Variants in SHANK2 observed in about 807,000 individuals in gnomAD.
SHANK2 encodes SH3 and multiple ankyrin repeat domains protein 2.
A neutral mutation model predicts 133.7 loss-of-function variants in SHANK2; 43 were observed. That is an observed-to-expected ratio of 0.32 (90% CI 0.25 to 0.41). The LOEUF is 0.41. Ranked by LOEUF, SHANK2 falls within the 10% of genes least tolerant of loss-of-function variation. The probability of loss-of-function intolerance (pLI) is 1.00; values close to 1 mark genes in which losing one functional copy is unlikely to be tolerated. For missense variants in SHANK2, 1,994 were observed against 2,235.8 expected (o/e 0.89, Z 2.18); for synonymous variants, 1,017 against 952.8 (o/e 1.07, Z -1.24).
intron 11 of SHANK2, among the ~76,000 whole-genome samples, chr11:70,857,887 A>G (rs1432941316): frequency 2.0e-5 from 3 of 152,182 alleles, no homozygotes; most frequent in Non-Finnish European, 4.4e-5. Context: ...TCCTCTCAAG[A>G]TGCTGAGACC....
rs1555055508 is a variant in SHANK2, at chr11:70,820,370, T to C, written c.1487A>G (p.His496Arg). 2.2e-5 allele frequency: 14 copies of C among 637,066 alleles called. No individual in the cohort carries two copies. The East Asian group carries it at 4.0e-4, about 18-fold the overall frequency. The allele number at this position is 637,066 out of a possible 1,614,324, so 39.5% of individuals were successfully genotyped here. A position where few individuals can be genotyped will look rare whatever the true frequency, so the allele number is the denominator to read the frequency against. Reference protein sequence around the residue: ...EDGKRPQPLWHVGSPFALGAN... With the variant: ...EDGKRPQPLWRVGSPFALGAN... ...GGCGTCTGCCACTCCTTACCCGACA[T>C]GCCAGAGAGGCTGCGGCCTCTTGCC... The change falls in exon 12 of 26, where the codon CAT becomes CGT. Residue 496 changes from histidine (H) to arginine (R), a missense_variant. Around this residue, in one of 5 missense-constraint regions of SHANK2, gnomAD observed 653 missense variants for 563.4 expected, o/e 1.16. Coordinates refer to ENST00000601538, the MANE Select transcript of SHANK2 (RefSeq NM_012309.5).
In SHANK2 at chr11:71,093,003, T is replaced by C. The variant is rs912548937; in HGVS notation, c.745-414A>G. Reference sequence around the variant, plus strand: ...GTTGCAGTGATCCAAGATTGCACCATTGCACTCCAGCCTGGGCAACAAGAG... The same window carrying C: ...GTTGCAGTGATCCAAGATTGCACCACTGCACTCCAGCCTGGGCAACAAGAG... On this transcript the variant is annotated intron_variant, in intron 7 of 25. Coordinates refer to ENST00000601538, the MANE Select transcript of SHANK2 (RefSeq NM_012309.5). Among the ~76,000 whole-genome samples, 16 of 132,210 alleles carry C rather than the reference T, an allele frequency of 1.2e-4. No homozygotes were observed. In the Admixed American group the frequency reaches 1.4e-3, roughly 12 times the overall value. 86.7% of individuals were successfully genotyped at this position (132,210 alleles called of 152,430 possible). A position where few individuals can be genotyped will look rare whatever the true frequency, so the allele number is the denominator to read the frequency against.
intron 6 of SHANK2, among the ~76,000 whole-genome samples, chr11:71,099,160 G>T (rs949930051): frequency 6.6e-6 from 1 of 152,142 alleles, no homozygotes; most frequent in South Asian, 2.1e-4. Context: ...CCAACAGGGA[G>T]AGCCTGGGAA....
chr11:71,085,772 ATATT>A (rs1951388499), intron 8 of SHANK2, among the ~76,000 whole-genome samples: 1 of 76,954 alleles, frequency 1.3e-5, no homozygotes, highest in Non-Finnish European at 2.2e-5. Context: ...AATATATATT[ATATT>A]TATATTATAT....
intron 6 of SHANK2, among the ~76,000 whole-genome samples, chr11:71,099,002 G>A (rs998414875): frequency 3.3e-5 from 5 of 152,060 alleles, no homozygotes; most frequent in African/African-American, 9.7e-5. Flanking sequence ...CCAACAGGAC[G>A]GGCCCTCGGC....
intron 17 of SHANK2, among the ~76,000 whole-genome samples, chr11:70,537,694 G>A (rs1554974403): frequency 2.6e-5 from 4 of 152,230 alleles, no homozygotes. Flanking sequence ...GCAAGCCCAG[G>A]CCACTCAAAC....
chr11:70,656,025 G>T (rs560068682), intron 17 of SHANK2, among the ~76,000 whole-genome samples: 3 of 152,270 alleles, frequency 2.0e-5, no homozygotes, highest in Non-Finnish European at 4.4e-5. Flanking sequence ...CATCCAAGTG[G>T]CGTCCCCACC....
chr11:70,485,281 A>T lies in SHANK2; in HGVS notation c.4979+33T>A, dbSNP rs905575017. ...TGGTCAGCAGGGACAGTGCACGCAG[A>T]GCGGTGTGCATGTGCACCAACCGCG... On this transcript the variant is annotated intron_variant, in intron 25 of 25. Coordinates refer to ENST00000601538, the MANE Select transcript of SHANK2 (RefSeq NM_012309.5). The surrounding 1 kb of genome is among the most constrained non-coding windows in gnomAD (Gnocchi z 5.8). 6 of 1,565,562 alleles carry T rather than the reference A, an allele frequency of 3.8e-6. No individual in the cohort carries two copies. Among genetic ancestry groups the T allele is most frequent in the Non-Finnish European group, 5.3e-6 (6 of 1,137,968 alleles).
At position 70,698,720 on chromosome 11, in the gene SHANK2, G is replaced by A. The variant is rs1229538389; in HGVS notation, c.1821C>T (p.Thr607=). ...DRSKKLFRHY[T]VGSYDSFDTS... ...TGTCGAAGCTGTCATAGGAGCCCAC[G>A]GTGTAGTGCCTGAAAAGCTTCTTGC... The change falls in exon 15 of 26, where the codon ACC becomes ACT. Residue 607 remains threonine, a synonymous_variant. Transcript: ENST00000601538. The A allele has an allele frequency of 1.5e-5, 11 of 718,524 alleles. No homozygotes were observed. Among genetic ancestry groups the A allele is most frequent in the East Asian group, 8.0e-5 (3 of 37,300 alleles). The allele number at this position is 718,524 out of a possible 1,614,324, so 44.5% of individuals were successfully genotyped here.
intron 14 of SHANK2, among the ~76,000 whole-genome samples, chr11:70,772,593 G>A (rs1163648851): frequency 6.6e-6 from 1 of 152,166 alleles, no homozygotes; most frequent in Non-Finnish European, 1.5e-5. Flanking sequence ...CTTCCTACAT[G>A]CAGCCAGTGA....
At chr11:70,869,463 C>G (rs1333625294) in intron 11 of SHANK2, among the ~76,000 whole-genome samples, 3 of 152,368 alleles carry the variant, frequency 2.0e-5, no homozygotes, top group Admixed American at 2.0e-4. Context: ...GTGATTAATG[C>G]TTCCAATCTC....
In SHANK2 at chr11:70,801,187, T is replaced by G. The variant is rs192458269; in HGVS notation, c.1664-2631A>C. Among the ~76,000 whole-genome samples the G allele has an allele frequency of 1.7e-3, 256 of 152,320 alleles. 2 individuals carry two copies. Among genetic ancestry groups the G allele is most frequent in the Middle Eastern group, 3.4e-3 (1 of 294 alleles). ...TCTCCAGGAGAATCACACCTTTTAG[T>G]TCCATATTTAATCTCTATGAAGTAT... On this transcript the variant is annotated intron_variant, in intron 13 of 25. Coordinates refer to ENST00000601538, the MANE Select transcript of SHANK2 (RefSeq NM_012309.5).
rs572953976 is a variant in SHANK2, at chr11:70,627,233, C to T, written c.2061+32595G>A. 3.3e-4 allele frequency among the ~76,000 whole-genome samples: 51 copies of T among 152,304 alleles called. 1 individual carries two copies. The highest frequency in any genetic ancestry group is 1.2e-3 in the South Asian group (6 of 4,832). ...GTCTCCACCCTCCTGAAGTTAGGTG[C>T]GGCCAAGTGAGCCGGCGGCTGCAGG... is the stretch of plus-strand genomic sequence containing the variant. On this transcript the variant is annotated intron_variant, in intron 17 of 25. Transcript: ENST00000601538.
intron 8 of SHANK2, among the ~76,000 whole-genome samples, chr11:71,076,136 C>A (rs1951215216): frequency 6.6e-6 from 1 of 152,040 alleles, no homozygotes; most frequent in Non-Finnish European, 1.5e-5. Flanking sequence ...CCAGGGAGGT[C>A]CCCGCACAGG....
At chr11:71,127,356 G>C (rs1193866879) in intron 3 of SHANK2, among the ~76,000 whole-genome samples, 1 of 152,164 alleles carries the variant, frequency 6.6e-6, no homozygotes, top group Non-Finnish European at 1.5e-5. Flanking sequence ...AGCAGTGCAG[G>C]GTTTGAGAAG....
intron 14 of SHANK2, among the ~76,000 whole-genome samples, chr11:70,725,683 C>A (rs1292948376): frequency 2.6e-5 from 4 of 152,202 alleles, no homozygotes; most frequent in African/African-American, 9.7e-5. Context: ...CTATCCACAG[C>A]AACACTGAGA....
At chr11:70,623,546 T>TGGAA (rs1267977500) in intron 17 of SHANK2, among the ~76,000 whole-genome samples, 23 of 152,222 alleles carry the variant, frequency 1.5e-4, no homozygotes, top group East Asian at 3.9e-4. Context: ...GTGGACTGGC[T>TGGAA]GGAAGGAAGG....
chr11:71,082,705 G>A (rs1259359154), intron 8 of SHANK2, among the ~76,000 whole-genome samples: 4 of 152,206 alleles, frequency 2.6e-5, no homozygotes, highest in Non-Finnish European at 5.9e-5. Context: ...GAGGGCATCC[G>A]GCCAGGGATG....
chr11:70,865,460 C>T (rs1274033418), intron 11 of SHANK2, among the ~76,000 whole-genome samples: 2 of 152,180 alleles, frequency 1.3e-5, no homozygotes, highest in Non-Finnish European at 1.5e-5. Flanking sequence ...GAATTCACCA[C>T]GAGTAAGGGC....
Sources: allele counts gnomAD v4.1 joint callset (sites outside exome capture counted in the v4.1 genomes callset), GRCh38; gene constraint gnomAD v4.1.1; regional missense constraint gnomAD v4.1.1; non-coding constraint Gnocchi (gnomAD v3.1); transcripts MANE v1.5; gene names NCBI Gene and HGNC (gene_info 2026-07-23, HGNC 2026-07-21).